CTNNA3: variants seen among roughly 807,000 people sequenced by gnomAD.
The protein encoded by CTNNA3 is catenin alpha-3.
Under a neutral mutation model 95.7 loss-of-function variants are expected in CTNNA3, and 76 were observed. The observed-to-expected ratio is 0.79, with a 90% CI of 0.66 to 0.96. CTNNA3 has a LOEUF of 0.96. Among genes scored for constraint, CTNNA3 ranks in the 40% least tolerant of loss-of-function variants. The pLI, the probability that CTNNA3 is intolerant of heterozygous loss-of-function variation, is 0.00. For synonymous variants in CTNNA3, 431 were observed against 374.4 expected, an observed-to-expected ratio of 1.15 and a Z score of -1.74; for missense variants, 1,191 against 1,089.8, an observed-to-expected ratio of 1.09 and a Z score of -1.31.
chr10:66,778,678 T>A (rs949216704), intron 7 of CTNNA3, among the ~76,000 whole-genome samples: 3 of 148,610 alleles, frequency 2.0e-5, no homozygotes, highest in Non-Finnish European at 3.0e-5. Context: ...AAGACTTTAT[T>A]AAAAAAAAAA....
At chr10:67,396,394 A>G (rs917937534) in intron 5 of CTNNA3, among the ~76,000 whole-genome samples, 5 of 152,204 alleles carry the variant, frequency 3.3e-5, no homozygotes, top group Admixed American at 6.5e-5. Flanking sequence ...CAAAATTATC[A>G]TATTGGTAAA....
At chr10:67,490,055 G>T (rs1848593398) in intron 5 of CTNNA3, among the ~76,000 whole-genome samples, 1 of 151,976 alleles carries the variant, frequency 6.6e-6, no homozygotes, top group Non-Finnish European at 1.5e-5. Flanking sequence ...TTTCCCACTG[G>T]TCATAAATTT....
At chr10:67,251,576 G>T (rs1490365437) in intron 5 of CTNNA3, among the ~76,000 whole-genome samples, 2 of 152,142 alleles carry the variant, frequency 1.3e-5, no homozygotes, top group African/African-American at 4.8e-5. Context: ...TGTCCTAATA[G>T]TAAAACTCAG....
At chr10:67,281,241 T>C (rs1203680429) in intron 5 of CTNNA3, among the ~76,000 whole-genome samples, 1 of 152,212 alleles carries the variant, frequency 6.6e-6, no homozygotes, top group Non-Finnish European at 1.5e-5. Flanking sequence ...AAGACCTGTT[T>C]AGCATTTTCA....
chr10:67,154,973 T>G (rs1861240585), intron 7 of CTNNA3, among the ~76,000 whole-genome samples: 1 of 152,186 alleles, frequency 6.6e-6, no homozygotes, highest in Non-Finnish European at 1.5e-5. Flanking sequence ...GCCTCTAACA[T>G]AGAGAGGTTT....
chr10:67,641,899 C>T (rs1448329131), intron 2 of CTNNA3, among the ~76,000 whole-genome samples: 2 of 152,030 alleles, frequency 1.3e-5, no homozygotes, highest in African/African-American at 4.8e-5. Flanking sequence ...AGGAGGTATA[C>T]CTAATGTAAA....
intron 5 of CTNNA3, among the ~76,000 whole-genome samples, chr10:67,272,810 T>C (rs942682400): frequency 6.6e-6 from 1 of 152,132 alleles, no homozygotes; most frequent in Non-Finnish European, 1.5e-5. Context: ...CTCTCTATTA[T>C]TACTCCATGT....
chr10:67,505,436 A>G (rs1839400337), intron 5 of CTNNA3, among the ~76,000 whole-genome samples: 1 of 152,238 alleles, frequency 6.6e-6, no homozygotes, highest in African/African-American at 2.4e-5. Context: ...GTGGTGGACC[A>G]TTACATTCTG....
intron 7 of CTNNA3, among the ~76,000 whole-genome samples, chr10:67,178,021 C>T (rs1014085081): frequency 6.6e-6 from 1 of 152,138 alleles, no homozygotes; most frequent in Non-Finnish European, 1.5e-5. Context: ...AATTTTTTAA[C>T]AATTTTACCT....
At chr10:66,352,037 A>C (rs2092570713) in intron 12 of CTNNA3, among the ~76,000 whole-genome samples, 1 of 152,078 alleles carries the variant, frequency 6.6e-6, no homozygotes, top group African/African-American at 2.4e-5. Context: ...TGCCAGAATG[A>C]AAGGGAGAAG....
At chr10:66,298,706 A>G (rs2091818501) in intron 12 of CTNNA3, among the ~76,000 whole-genome samples, 2 of 152,112 alleles carry the variant, frequency 1.3e-5, no homozygotes, top group East Asian at 3.9e-4. Context: ...ATAGACAGAG[A>G]GTTGGCAAGT....
chr10:66,911,033 C>A (rs1463106658), intron 7 of CTNNA3, among the ~76,000 whole-genome samples: 1 of 152,186 alleles, frequency 6.6e-6, no homozygotes, highest in South Asian at 2.1e-4. Context: ...CTTTTGTTTA[C>A]CTTGTTACTT....
At chr10:67,504,221 G>A (rs1839348596) in intron 5 of CTNNA3, among the ~76,000 whole-genome samples, 1 of 149,188 alleles carries the variant, frequency 6.7e-6, no homozygotes, top group Non-Finnish European at 1.5e-5. Flanking sequence ...AGGAGGCTGA[G>A]GCGGGTGGAT....
intron 12 of CTNNA3, among the ~76,000 whole-genome samples, chr10:66,351,874 G>A (rs558783505): frequency 6.6e-6 from 1 of 152,082 alleles, no homozygotes; most frequent in East Asian, 1.9e-4. Flanking sequence ...TAACACAAAT[G>A]TAGTTGAAAT....
At chr10:67,459,315 T>G (rs1847289598) in intron 5 of CTNNA3, among the ~76,000 whole-genome samples, 1 of 152,184 alleles carries the variant, frequency 6.6e-6, no homozygotes, top group African/African-American at 2.4e-5. Context: ...CCAAGGCTGA[T>G]GTATTCACAT....
intron 15 of CTNNA3, among the ~76,000 whole-genome samples, chr10:66,034,492 ACAG>A (rs139601636): frequency 2.0e-5 from 3 of 152,022 alleles, no homozygotes; most frequent in Non-Finnish European, 1.5e-5. Flanking sequence ...CCTAACTTCA[ACAG>A]CAGCAGCAGC....
intron 12 of CTNNA3, among the ~76,000 whole-genome samples, chr10:66,355,140 T>C (rs186289913): frequency 2.0e-5 from 3 of 152,254 alleles, no homozygotes; most frequent in East Asian, 3.9e-4. Flanking sequence ...TAAGTAGATA[T>C]ACGATTTAAA....
intron 5 of CTNNA3, among the ~76,000 whole-genome samples, chr10:67,507,688 A>C (rs1839472052): frequency 6.6e-6 from 1 of 152,344 alleles, no homozygotes; most frequent in African/African-American, 2.4e-5. Context: ...TCCTCCAAAA[A>C]ACTGAAGAGG....
At chr10:66,646,328 A>T (rs1845706325) in intron 9 of CTNNA3, among the ~76,000 whole-genome samples, 1 of 152,162 alleles carries the variant, frequency 6.6e-6, no homozygotes, top group African/African-American at 2.4e-5. Context: ...GACAGAAACA[A>T]AAAATGAGAT....
Sources: gnomAD v4.1 joint callset for allele counts (sites outside exome capture counted in the v4.1 genomes callset) on GRCh38, gnomAD v4.1.1 for gene constraint, MANE v1.5 for transcripts, NCBI Gene and HGNC (gene_info 2026-07-23, HGNC 2026-07-21) for gene names.